VPS41: variants seen among roughly 807,000 people sequenced by gnomAD.
The protein encoded by VPS41 is vacuolar protein sorting-associated protein 41 homolog.
Under a neutral mutation model 130.9 loss-of-function variants are expected in VPS41, and 85 were observed. That is an observed-to-expected ratio of 0.65 (90% CI 0.55 to 0.78). The LOEUF (loss-of-function observed/expected upper bound fraction) is 0.78. Among genes scored for constraint, VPS41 ranks in the 30% least tolerant of loss-of-function variants. The probability of loss-of-function intolerance (pLI) is 0.00; values close to 1 mark genes in which losing one functional copy is unlikely to be tolerated. For missense variants in VPS41, 874 were observed against 1,018.7 expected (o/e 0.86, Z 1.93); for synonymous variants, 335 against 332.9 (o/e 1.01, Z -0.07).
intron 19 of VPS41, among the ~76,000 whole-genome samples, chr7:38,755,382 G>A (rs1783770784): frequency 6.6e-6 from 1 of 152,186 alleles, no homozygotes; most frequent in Non-Finnish European, 1.5e-5. Context: ...GAAGGAGCTG[G>A]TTTTATGAGG....
intron 7 of VPS41, among the ~76,000 whole-genome samples, chr7:38,803,989 A>G (rs375943089): frequency 2.6e-5 from 4 of 152,186 alleles, no homozygotes; most frequent in African/African-American, 9.7e-5. Context: ...TTCAGTGGTT[A>G]TTTTCTGAAC....
chr7:38,798,208 G>A (rs1320328155), intron 7 of VPS41, among the ~76,000 whole-genome samples: 1 of 152,176 alleles, frequency 6.6e-6, no homozygotes, highest in East Asian at 1.9e-4. Flanking sequence ...CAGAAATGTA[G>A]GAAAGGGGGA....
intron 4 of VPS41, among the ~76,000 whole-genome samples, chr7:38,833,099 T>C (rs1277897059): frequency 6.6e-6 from 1 of 152,180 alleles, no homozygotes; most frequent in Admixed American, 6.5e-5. Context: ...TGTCTTTATG[T>C]CCACTCTATA....
chr7:38,906,478 G>GA (rs1787266718), intron 1 of VPS41, among the ~76,000 whole-genome samples: 1 of 151,992 alleles, frequency 6.6e-6, no homozygotes, highest in Admixed American at 6.6e-5. Flanking sequence ...CCGAGTAGCT[G>GA]GGACTACACA....
At chr7:38,750,811 T>TA (rs146625567) in intron 22 of VPS41, among the ~76,000 whole-genome samples, 5,938 of 152,256 alleles carry the variant, frequency 0.039, 134 homozygotes, top group African/African-American at 0.046. Context: ...GAAGGGCTGT[T>TA]AATCACCCAC....
Position 38,723,615 on chromosome 7 carries a change from T to G in VPS41, c.*2631A>C, listed in dbSNP as rs1795478971. 1 of 148,440 alleles carries G rather than the reference T, an allele frequency of 6.7e-6. No homozygotes were observed. The highest frequency in any genetic ancestry group is 1.5e-5 in the Non-Finnish European group (1 of 67,610). 9.2% of individuals were successfully genotyped at this position (148,440 alleles called of 1,614,324 possible). On this transcript the variant is annotated 3_prime_UTR_variant, in exon 29 of 29. Transcript: ENST00000310301. ...GGTGCGTGCCTGTACTCCCACCTAC[T>G]CCGGAAGCTGAGACGGGAGAATCAC...
intron 25 of VPS41, among the ~76,000 whole-genome samples, chr7:38,735,389 T>C (rs1286225789): frequency 2.0e-5 from 3 of 152,200 alleles, no homozygotes; most frequent in African/African-American, 7.2e-5. Context: ...TAAAGGACTA[T>C]GGGGACTGCA....
intron 4 of VPS41, among the ~76,000 whole-genome samples, chr7:38,852,900 T>C (rs1021301743): frequency 6.6e-6 from 1 of 152,168 alleles, no homozygotes; most frequent in African/African-American, 2.4e-5. Flanking sequence ...TACTCTGAAC[T>C]CCAAAGTCAG....
Position 38,752,329 on chromosome 7 carries a change from G to T in VPS41, c.1789-16C>A. 6.2e-7 allele frequency: 1 copy of T among 1,613,216 alleles called. No homozygotes were observed. The highest frequency in any genetic ancestry group is 8.5e-7 in the Non-Finnish European group (1 of 1,179,640). ...TATGCAAATACTAAAAGGAACAAAA[G>T]ATAAGCCGTGACCCATTAAAATGAG... is the stretch of plus-strand genomic sequence containing the variant. On this transcript the variant is annotated splice_polypyrimidine_tract_variant and intron_variant, in intron 21 of 28. Transcript: ENST00000310301.
intron 22 of VPS41, among the ~76,000 whole-genome samples, chr7:38,751,758 G>A (rs892046715): frequency 7.2e-5 from 11 of 152,200 alleles, no homozygotes; most frequent in African/African-American, 2.4e-4. Flanking sequence ...CCTAAGCTAT[G>A]ACCTCAGTTT....
At chr7:38,816,194 C>T (rs537139285) in intron 7 of VPS41, among the ~76,000 whole-genome samples, 31 of 152,214 alleles carry the variant, frequency 2.0e-4, no homozygotes, top group African/African-American at 6.5e-4. Context: ...TAATTAGTCC[C>T]CTGGACATTT....
At chr7:38,781,649 T>C (rs1034390872) in intron 10 of VPS41, among the ~76,000 whole-genome samples, 5 of 152,210 alleles carry the variant, frequency 3.3e-5, no homozygotes, top group Non-Finnish European at 5.9e-5. Flanking sequence ...TTTGTTCTTA[T>C]TGCTTTGTGA....
chr7:38,776,856 A>G, intron 10 of VPS41, 80 bp from the exon 11 acceptor site: 1 of 725,760 alleles, frequency 1.4e-6, no homozygotes, highest in Non-Finnish European at 2.4e-6. Flanking sequence ...AATGACTGTG[A>G]ATGCTAGTGG....
intron 24 of VPS41, among the ~76,000 whole-genome samples, chr7:38,743,166 T>G (rs1429586571): frequency 6.6e-6 from 1 of 152,158 alleles, no homozygotes; most frequent in African/African-American, 2.4e-5. Context: ...ACACAATTAA[T>G]AAACTGTGTA....
At chr7:38,825,959 G>C (rs886446279) in intron 5 of VPS41, among the ~76,000 whole-genome samples, 1 of 152,192 alleles carries the variant, frequency 6.6e-6, no homozygotes, top group Non-Finnish European at 1.5e-5. Flanking sequence ...GACTTCCCTT[G>C]TAACAGCCTC....
intron 2 of VPS41, among the ~76,000 whole-genome samples, chr7:38,871,087 GAA>G (rs1466920377): frequency 1.3e-5 from 2 of 152,030 alleles, no homozygotes; most frequent in African/African-American, 4.8e-5. Context: ...AAATGGAAAG[GAA>G]CAAGAGCAAC....
chr7:38,737,908 G>T (rs1795803122), intron 25 of VPS41, among the ~76,000 whole-genome samples: 1 of 152,184 alleles, frequency 6.6e-6, no homozygotes, highest in South Asian at 2.1e-4. Context: ...ATTCAGCTTT[G>T]TACCCAATGC....
intron 24 of VPS41, among the ~76,000 whole-genome samples, chr7:38,743,026 G>T (rs1214056496): frequency 1.3e-5 from 2 of 151,940 alleles, no homozygotes; most frequent in African/African-American, 4.8e-5. Flanking sequence ...AAAAAAGACT[G>T]GTAAGGTCTA....
intron 11 of VPS41, among the ~76,000 whole-genome samples, 168 bp downstream of exon 11, chr7:38,776,511 C>CGGAA (rs1784261205): frequency 6.6e-6 from 1 of 152,070 alleles, no homozygotes; most frequent in South Asian, 2.1e-4. Flanking sequence ...GTAGAGTTTC[C>CGGAA]GGAAAGTAAA....
Sources: gnomAD v4.1 joint callset for allele counts (sites outside exome capture counted in the v4.1 genomes callset) on GRCh38, gnomAD v4.1.1 for gene constraint, MANE v1.5 for transcripts, NCBI Gene and HGNC (gene_info 2026-07-23, HGNC 2026-07-21) for gene names.